Variants in CEP128 observed in about 807,000 individuals in gnomAD.
The protein encoded by CEP128 is centrosomal protein 128kDa.
Under a neutral mutation model 156.7 loss-of-function variants are expected in CEP128, and 132 were observed. That is an observed-to-expected ratio of 0.84 (90% CI 0.73 to 0.97). The LOEUF is 0.97. Among genes scored for constraint, CEP128 ranks in the 50% least tolerant of loss-of-function variants. The pLI, the probability that CEP128 is intolerant of heterozygous loss-of-function variation, is 0.00. For missense variants in CEP128, 1,252 were observed against 1,281.9 expected (o/e 0.98, Z 0.36); for synonymous variants, 469 against 448.9 (o/e 1.04, Z -0.57).
At chr14:80,827,525 A>G (rs1213748408) in intron 13 of CEP128, among the ~76,000 whole-genome samples, 1 of 152,204 alleles carries the variant, frequency 6.6e-6, no homozygotes, top group African/African-American at 2.4e-5. Flanking sequence ...ATCAGAGCGA[A>G]AGCATAGAAG....
intron 23 of CEP128, among the ~76,000 whole-genome samples, chr14:80,525,896 A>T (rs1334435635): frequency 6.6e-6 from 1 of 152,204 alleles, no homozygotes; most frequent in East Asian, 1.9e-4. Flanking sequence ...GCTTCTTAGA[A>T]TTAATTATAT....
At chr14:80,582,081 T>C (rs952522609) in intron 19 of CEP128, among the ~76,000 whole-genome samples, 2 of 152,196 alleles carry the variant, frequency 1.3e-5, no homozygotes, top group African/African-American at 4.8e-5. Flanking sequence ...AACAGACACA[T>C]GGTCTAGGAC....
chr14:80,554,174 T>G (rs1001322094), intron 21 of CEP128, among the ~76,000 whole-genome samples: 2 of 152,204 alleles, frequency 1.3e-5, no homozygotes, highest in Non-Finnish European at 2.9e-5. Flanking sequence ...TTGATTAATT[T>G]TCTAATGTTA....
intron 13 of CEP128, among the ~76,000 whole-genome samples, chr14:80,828,123 CTTTT>C: frequency 7.9e-6 from 1 of 126,970 alleles, no homozygotes. Context: ...CTTCTTTTTT[CTTTT>C]TTTTTTTTTT....
At chr14:80,940,003 G>GAATAA (rs1955304096) in intron 1 of CEP128, among the ~76,000 whole-genome samples, 1 of 152,082 alleles carries the variant, frequency 6.6e-6, no homozygotes, top group African/African-American at 2.4e-5. Context: ...AAATAAATAA[G>GAATAA]AATAAAATGC....
chr14:80,761,966 G>C (rs1899992764), intron 16 of CEP128, among the ~76,000 whole-genome samples: 1 of 152,088 alleles, frequency 6.6e-6, no homozygotes, highest in Admixed American at 6.5e-5. Context: ...CTGACTTCAA[G>C]CTTTCACTGA....
intron 19 of CEP128, among the ~76,000 whole-genome samples, chr14:80,657,471 C>T (rs370704917): frequency 6.6e-6 from 1 of 151,198 alleles, no homozygotes; most frequent in Non-Finnish European, 1.5e-5. Flanking sequence ...GTCAACATGG[C>T]GAAACTCTGT....
At chr14:80,599,229 C>G (rs1892473543) in intron 19 of CEP128, among the ~76,000 whole-genome samples, 1 of 150,330 alleles carries the variant, frequency 6.7e-6, no homozygotes, top group South Asian at 2.1e-4. Flanking sequence ...CTTCCTTGTG[C>G]AGTTCACTGC....
chr14:80,531,359 AAG>A (rs1889218767), intron 21 of CEP128, among the ~76,000 whole-genome samples: 1 of 152,194 alleles, frequency 6.6e-6, no homozygotes, highest in Non-Finnish European at 1.5e-5. Flanking sequence ...TTAAAAGGGA[AAG>A]AGGAGTGGTT....
chr14:80,795,423 C>G (rs570543349), intron 13 of CEP128, among the ~76,000 whole-genome samples: 91 of 152,324 alleles, frequency 6.0e-4, no homozygotes, highest in Non-Finnish European at 1.2e-3. Flanking sequence ...AACCCAAACA[C>G]TGTATTTTTT....
intron 6 of CEP128, chr14:80,490,767 T>A (rs1382648862): frequency 6.6e-6 from 1 of 152,122 alleles, no homozygotes; most frequent in African/African-American, 2.4e-5. Context: ...AAAAAAATAC[T>A]CTAGTACTTC....
At chr14:80,826,725 C>A (rs1393973294) in intron 13 of CEP128, among the ~76,000 whole-genome samples, 4 of 152,188 alleles carry the variant, frequency 2.6e-5, no homozygotes, top group African/African-American at 9.6e-5. Context: ...TCAATTATCA[C>A]TTTCAACATT....
At chr14:80,924,820 T>A (rs1057173636) in intron 2 of CEP128, among the ~76,000 whole-genome samples, 2 of 151,872 alleles carry the variant, frequency 1.3e-5, no homozygotes, top group Non-Finnish European at 2.9e-5. Flanking sequence ...AACTGAAGGA[T>A]CCTGAGTGGG....
chr14:80,799,056 T>C (rs1194802692), intron 13 of CEP128, among the ~76,000 whole-genome samples: 2 of 152,170 alleles, frequency 1.3e-5, no homozygotes, highest in African/African-American at 2.4e-5. Flanking sequence ...AAAAGTCACA[T>C]CTCTAGGAAG....
chr14:80,728,823 T>C (rs571164703), intron 19 of CEP128, among the ~76,000 whole-genome samples: 26 of 152,310 alleles, frequency 1.7e-4, no homozygotes, highest in African/African-American at 5.3e-4. Context: ...ACATTATAAA[T>C]ATACTAGACC....
chr14:80,667,081 G>C, intron 19 of CEP128, among the ~76,000 whole-genome samples: 1 of 152,172 alleles, frequency 6.6e-6, no homozygotes, highest in East Asian at 1.9e-4. Flanking sequence ...GGACCTGCTT[G>C]GTTCCAGATT....
chr14:80,946,348 A>C (rs1395988426), upstream of CEP128, among the ~76,000 whole-genome samples: 2 of 137,712 alleles, frequency 1.5e-5, no homozygotes, highest in Admixed American at 7.0e-5. Flanking sequence ...CTCATGATGC[A>C]TCATGATGAT....
chr14:80,956,524 G>C (rs8009058), intron 2 of CEP128, among the ~76,000 whole-genome samples: 44,344 of 152,128 alleles, frequency 0.29, 9,592 homozygotes, highest in African/African-American at 0.61. Flanking sequence ...TGTTAAATAA[G>C]ATTATACACA....
intron 19 of CEP128, among the ~76,000 whole-genome samples, chr14:80,609,850 G>C (rs1417179383): frequency 6.7e-6 from 1 of 149,862 alleles, no homozygotes; most frequent in African/African-American, 2.5e-5. Context: ...ATATGTATGT[G>C]AGTCAAAAAA....
Sources: gnomAD v4.1 joint callset for allele counts (sites outside exome capture counted in the v4.1 genomes callset) on GRCh38, gnomAD v4.1.1 for gene constraint, MANE v1.5 for transcripts, NCBI Gene and HGNC (gene_info 2026-07-23, HGNC 2026-07-21) for gene names.